Variants in CACNG7 observed in about 807,000 individuals in gnomAD.
CACNG7 encodes voltage-dependent calcium channel gamma-7 subunit.
A neutral mutation model predicts 26.3 loss-of-function variants in CACNG7; 9 were observed. The observed-to-expected ratio is 0.34, with a 90% confidence interval of 0.21 to 0.60. The LOEUF (loss-of-function observed/expected upper bound fraction) is 0.60, where lower values mean the gene tolerates loss of function less well. CACNG7 is among the 20% of genes least tolerant of loss of function. CACNG7 has a pLI of 0.81. For missense variants in CACNG7, 297 were observed against 380.4 expected (o/e 0.78, Z 1.82); for synonymous variants, 170 against 157.0 (o/e 1.08, Z -0.62).
At chr19:53,928,285 T>C (rs2069047280) in intron 4 of CACNG7, among the ~76,000 whole-genome samples, 1 of 151,056 alleles carries the variant, frequency 6.6e-6, no homozygotes, top group South Asian at 2.1e-4. Context: ...ATTTATTTAC[T>C]TATTGAGGCA....
Position 53,942,660 on chromosome 19 carries a change from C to A in CACNG7, c.*367C>A. 5.3e-6 allele frequency: 5 copies of A among 940,176 alleles called. No individual in the cohort carries two copies. Among genetic ancestry groups the A allele is most frequent in the Non-Finnish European group, 6.7e-6 (5 of 751,000 alleles). 58.2% of individuals were successfully genotyped at this position (940,176 alleles called of 1,614,324 possible). ...GGTGCAAGCGCCCAGCTCCCCAGAG[C>A]TCCCCAACCTCGGACCTCACCGCAG... On this transcript the variant is annotated 3_prime_UTR_variant, in exon 6 of 6. Coordinates refer to ENST00000391767, the MANE Select transcript of CACNG7 (RefSeq NM_031896.5). This position sits in a 1 kb window ranked among gnomAD's most constrained non-coding sequence, Gnocchi z 5.9.
chr19:53,927,538 T>C (rs2069040122), intron 4 of CACNG7, among the ~76,000 whole-genome samples: 1 of 151,996 alleles, frequency 6.6e-6, no homozygotes, highest in Non-Finnish European at 1.5e-5. Flanking sequence ...GATAAGGTCC[T>C]AGAAAGGAGC....
At chr19:53,929,077 A>G (rs1045273770) in intron 4 of CACNG7, among the ~76,000 whole-genome samples, 6 of 135,212 alleles carry the variant, frequency 4.4e-5, no homozygotes, top group Non-Finnish European at 9.1e-5. Flanking sequence ...CCATTACACC[A>G]CTCCAACCTG....
intron 4 of CACNG7, among the ~76,000 whole-genome samples, chr19:53,927,937 C>T (rs2069044032): frequency 6.6e-6 from 1 of 151,612 alleles, no homozygotes; most frequent in Non-Finnish European, 1.5e-5. Flanking sequence ...GCTCTCAAGT[C>T]AGGATGGTTC....
rs1333936567 is a variant in CACNG7, at chr19:53,943,602, G to A, written c.*1309G>A. 7.0e-6 allele frequency: 1 copy of A among 142,728 alleles called. No individual in the cohort carries two copies. The highest frequency in any genetic ancestry group is 2.6e-5 in the African/African-American group (1 of 38,884). 8.8% of individuals were successfully genotyped at this position (142,728 alleles called of 1,614,324 possible). A position where few individuals can be genotyped will look rare whatever the true frequency, so the allele number is the denominator to read the frequency against. ...TACGCAGCGATTTTTAACGAGGCTGGGGGGAGGGGGGCACTGGGGTGGGGA... is the reference window on the plus strand; with the variant it reads ...TACGCAGCGATTTTTAACGAGGCTGAGGGGAGGGGGGCACTGGGGTGGGGA... On this transcript the variant is annotated 3_prime_UTR_variant, in exon 6 of 6. Coordinates refer to ENST00000391767, the MANE Select transcript of CACNG7 (RefSeq NM_031896.5).
rs1171208597 is a variant in CACNG7, at chr19:53,943,097, C to G, written c.*804C>G. ...CTCTCCTTTCCTCCCTTCACCCGTT[C>G]GTCCCAAGCCCTTGGGTGCATCCCG... On this transcript the variant is annotated 3_prime_UTR_variant, in exon 6 of 6. Transcript: ENST00000391767. 1.3e-5 allele frequency: 2 copies of G among 152,344 alleles called. No individual in the cohort carries two copies. The highest frequency in any genetic ancestry group is 3.9e-4 in the East Asian group (2 of 5,160). 9.4% of individuals were successfully genotyped at this position (152,344 alleles called of 1,614,324 possible).
chr19:53,925,461 G>C (rs1390516587), intron 4 of CACNG7, among the ~76,000 whole-genome samples: 1 of 150,142 alleles, frequency 6.7e-6, no homozygotes, highest in Admixed American at 6.6e-5. Flanking sequence ...CCACAGGTAT[G>C]GCCATTGGTG....
At chr19:53,932,329 T>C (rs181140011) in intron 4 of CACNG7, among the ~76,000 whole-genome samples, 3 of 151,652 alleles carry the variant, frequency 2.0e-5, no homozygotes, top group African/African-American at 2.4e-5. Context: ...TCATGGATCC[T>C]GCACTCAGTT....
intron 5 of CACNG7, 129 bp from the exon 6 acceptor site, chr19:53,941,907 T>C: frequency 7.9e-7 from 1 of 1,268,870 alleles, no homozygotes; most frequent in Non-Finnish European, 1.1e-6. Context: ...GCTGGAGCCC[T>C]GATCCTGGGT....
Position 53,915,519 on chromosome 19 carries a change from C to T in CACNG7, c.424+14C>T. ...TCATACTATCGGGTGAGCCTAAGGA[C>T]TTGGGGGTTGGGGGGGACCATTTCC... On this transcript the variant is annotated intron_variant, in intron 4 of 5. Transcript: ENST00000391767. The T allele has an allele frequency of 1.9e-6, 3 of 1,613,606 alleles. No homozygotes were observed. The highest frequency in any genetic ancestry group is 2.5e-6 in the Non-Finnish European group (3 of 1,179,702).
chr19:53,933,861 T>C (rs915023591), intron 4 of CACNG7, among the ~76,000 whole-genome samples: 1 of 152,068 alleles, frequency 6.6e-6, no homozygotes, highest in African/African-American at 2.4e-5. Flanking sequence ...TCCTGGTGAA[T>C]GTCCTGCATC....
chr19:53,933,274 G>A (rs1053897480), intron 4 of CACNG7, among the ~76,000 whole-genome samples: 2 of 149,904 alleles, frequency 1.3e-5, no homozygotes, highest in Non-Finnish European at 3.0e-5. Flanking sequence ...GGGATTACAG[G>A]TGCCCGCCAC....
intron 4 of CACNG7, among the ~76,000 whole-genome samples, chr19:53,916,861 G>A (rs2068902305): frequency 6.8e-6 from 1 of 147,974 alleles, no homozygotes; most frequent in South Asian, 2.1e-4. Context: ...CCACTGGCGT[G>A]ATCTCGGCCC....
rs1240074850 is a variant in CACNG7, at chr19:53,942,191, C to T, written c.726C>T (p.Ser242=). The change falls in exon 6 of 6, where the codon AGC becomes AGT. Residue 242 remains serine, a synonymous_variant. Coordinates refer to ENST00000391767, the MANE Select transcript of CACNG7 (RefSeq NM_031896.5). The surrounding 1 kb of genome is among the most constrained non-coding windows in gnomAD (Gnocchi z 5.9). ...CCGAGGCGTGGCGCCGCGGCCGGAG[C>T]CCCTCCGACATCTCCAGCGACGTGT... ...LQPEAWRRGR[S]PSDISSDVSI... 6.2e-7 allele frequency: 1 copy of T among 1,614,066 alleles called. No individual in the cohort carries two copies. Among genetic ancestry groups the T allele is most frequent in the Non-Finnish European group, 8.5e-7 (1 of 1,179,968 alleles).
rs1394104600 is a variant in CACNG7, at chr19:53,922,486, T to C, written c.424+6981T>C. ...ATTGGTGGAGTTGCCCCAGGTCTGGTCATTGGTGGAGTTGTCCCAGGTCTG... is the reference window on the plus strand; with the variant it reads ...ATTGGTGGAGTTGCCCCAGGTCTGGCCATTGGTGGAGTTGTCCCAGGTCTG... On this transcript the variant is annotated intron_variant, in intron 4 of 5. Coordinates refer to ENST00000391767, the MANE Select transcript of CACNG7 (RefSeq NM_031896.5). Among the ~76,000 whole-genome samples, 125 of 95,758 alleles carry C rather than the reference T, an allele frequency of 1.3e-3. 1 individual carries two copies. The highest frequency in any genetic ancestry group is 0.011 in the Admixed American group (117 of 11,032). 62.8% of individuals were successfully genotyped at this position (95,758 alleles called of 152,430 possible).
chr19:53,929,133 A>C (rs1177768899), intron 4 of CACNG7, among the ~76,000 whole-genome samples: 4 of 151,524 alleles, frequency 2.6e-5, no homozygotes, highest in African/African-American at 9.7e-5. Context: ...AAAAAAAAAA[A>C]AAAAAGAGAG....
intron 4 of CACNG7, among the ~76,000 whole-genome samples, chr19:53,928,428 T>C (rs567350891): frequency 2.0e-5 from 3 of 152,034 alleles, no homozygotes; most frequent in South Asian, 2.1e-4. Flanking sequence ...TGCACCACCA[T>C]GCCTGGCTAA....
chr19:53,930,933 C>T (rs994761770), intron 4 of CACNG7, among the ~76,000 whole-genome samples: 4 of 152,130 alleles, frequency 2.6e-5, no homozygotes, highest in Non-Finnish European at 4.4e-5. Context: ...GGCTAAGGGT[C>T]GGGTGCTGTG....
At chr19:53,924,195 GAGTTGTCCCAGGTCTGGTCATTGGTGC>G (rs2068999294) in intron 4 of CACNG7, among the ~76,000 whole-genome samples, 1 of 132,858 alleles carries the variant, frequency 7.5e-6, no homozygotes, top group Non-Finnish European at 1.6e-5. Context: ...GTCATTGGTG[GAGTTGTCCCAGGTCTGGTCATTGGTGC>G]AGTTGCCCCA....
Sources: gnomAD v4.1 joint callset for allele counts (sites outside exome capture counted in the v4.1 genomes callset) on GRCh38, gnomAD v4.1.1 for gene constraint, Gnocchi (gnomAD v3.1) non-coding constraint, MANE v1.5 for transcripts, NCBI Gene and HGNC (gene_info 2026-07-23, HGNC 2026-07-21) for gene names.